MARCHF1: variants seen among roughly 807,000 people sequenced by gnomAD.
MARCHF1 encodes the protein E3 ubiquitin-protein ligase MARCHF1.
In MARCHF1, 40 loss-of-function variants were observed where a neutral mutation model predicts 54.2. The ratio of observed to expected loss-of-function variants is 0.74; its 90% CI spans 0.57 to 0.96. The LOEUF is 0.96. Among genes scored for constraint, MARCHF1 ranks in the 40% least tolerant of loss-of-function variants. The probability of loss-of-function intolerance (pLI) is 0.00; values close to 1 mark genes in which losing one functional copy is unlikely to be tolerated. For missense variants in MARCHF1, 586 were observed against 656.5 expected, an observed-to-expected ratio of 0.89 and a Z score of 1.17; for synonymous variants, 236 against 236.3, an observed-to-expected ratio of 1.00 and a Z score of 0.01.
chr4:163,608,907 T>C (rs984979061), intron 7 of MARCHF1, among the ~76,000 whole-genome samples: 2 of 152,036 alleles, frequency 1.3e-5, no homozygotes, highest in African/African-American at 4.8e-5. Flanking sequence ...TCAGGCTGTA[T>C]CCATTTCTAG....
At chr4:163,619,346 G>T (rs920231002) in intron 5 of MARCHF1, among the ~76,000 whole-genome samples, 2 of 152,082 alleles carry the variant, frequency 1.3e-5, no homozygotes, top group Non-Finnish European at 2.9e-5. Flanking sequence ...ATGGAGAAAA[G>T]GGATAGTTTG....
chr4:164,316,184 A>T (rs1734990553), intron 1 of MARCHF1, among the ~76,000 whole-genome samples: 1 of 152,224 alleles, frequency 6.6e-6, no homozygotes, highest in South Asian at 2.1e-4. Context: ...TTGGTAACAG[A>T]ATCAGAACTG....
At chr4:163,765,305 CT>C (rs1440249041) in intron 4 of MARCHF1, among the ~76,000 whole-genome samples, 1 of 152,070 alleles carries the variant, frequency 6.6e-6, no homozygotes, top group Admixed American at 6.5e-5. Flanking sequence ...AGAGTACAGT[CT>C]TCTGATATTC....
At chr4:163,620,728 G>A (rs1477769431) in intron 5 of MARCHF1, among the ~76,000 whole-genome samples, 1 of 151,706 alleles carries the variant, frequency 6.6e-6, no homozygotes, top group Non-Finnish European at 1.5e-5. Context: ...GTGTCATCTT[G>A]TTAGGGTAAA....
chr4:164,133,695 G>C (rs1756346242), intron 1 of MARCHF1, among the ~76,000 whole-genome samples: 1 of 152,044 alleles, frequency 6.6e-6, no homozygotes, highest in South Asian at 2.1e-4. Flanking sequence ...TAGAAACATA[G>C]CCCAAAAAAA....
At chr4:164,019,029 G>A (rs942130645) in intron 2 of MARCHF1, among the ~76,000 whole-genome samples, 1 of 152,164 alleles carries the variant, frequency 6.6e-6, no homozygotes, top group Admixed American at 6.5e-5. Context: ...ATTCTGCTCA[G>A]CTCTGTATCC....
rs951319058 is a variant in MARCHF1, at chr4:164,130,109, A to T, written c.-322-18447T>A. On this transcript the variant is annotated intron_variant, in intron 1 of 9. Transcript: ENST00000514618. ...TTGAATAAAATTCCTTAGAATGTAT[A>T]AAAAAAATCACACTACTTTATAAAC... 4.6e-5 allele frequency: 7 copies of T among 151,330 alleles called. No homozygotes were observed. In the East Asian group the frequency reaches 5.8e-4, roughly 12 times the overall value. The allele number at this position is 151,330 out of a possible 1,614,324, so 9.4% of individuals were successfully genotyped here.
chr4:163,668,196 C>T (rs1290007421), intron 5 of MARCHF1, among the ~76,000 whole-genome samples: 1 of 152,088 alleles, frequency 6.6e-6, no homozygotes, highest in Non-Finnish European at 1.5e-5. Context: ...GTTTTGTGGG[C>T]ATAGTCCAAA....
intron 1 of MARCHF1, among the ~76,000 whole-genome samples, chr4:164,194,140 G>C (rs964050901): frequency 1.3e-5 from 2 of 152,132 alleles, no homozygotes; most frequent in African/African-American, 4.8e-5. Flanking sequence ...GTGAATCATA[G>C]ATTAAAATGT....
At chr4:163,915,381 TC>T (rs1211489552) in intron 3 of MARCHF1, among the ~76,000 whole-genome samples, 1 of 152,046 alleles carries the variant, frequency 6.6e-6, no homozygotes, top group African/African-American at 2.4e-5. Context: ...ATCCTAACAG[TC>T]ATCCTTAAAA....
intron 3 of MARCHF1, among the ~76,000 whole-genome samples, chr4:163,960,919 G>A (rs929077953): frequency 6.6e-6 from 1 of 151,664 alleles, no homozygotes; most frequent in Non-Finnish European, 1.5e-5. Context: ...GCTGGTTTCT[G>A]GTGAGGCCTC....
chr4:163,947,495 G>GGGAGGCAGAAGTGTC (rs1345296663), intron 3 of MARCHF1, among the ~76,000 whole-genome samples: 26 of 152,180 alleles, frequency 1.7e-4, no homozygotes, highest in African/African-American at 6.3e-4. Context: ...CCACATAAGA[G>GGGAGGCAGAAGTGTC]GGAGGCAGAA....
chr4:164,124,641 G>A (rs1019111860), intron 1 of MARCHF1, among the ~76,000 whole-genome samples: 1 of 152,084 alleles, frequency 6.6e-6, no homozygotes, highest in Non-Finnish European at 1.5e-5. Flanking sequence ...GGTTGGAAAT[G>A]GAGATCATTA....
At chr4:163,936,632 C>A (rs1751801982) in intron 3 of MARCHF1, among the ~76,000 whole-genome samples, 1 of 152,120 alleles carries the variant, frequency 6.6e-6, no homozygotes, top group African/African-American at 2.4e-5. Context: ...TGGGAGCAGG[C>A]ACTACCCATC....
At chr4:164,356,412 T>C (rs993295114) in intron 1 of MARCHF1, among the ~76,000 whole-genome samples, 1 of 136,642 alleles carries the variant, frequency 7.3e-6, no homozygotes, top group Non-Finnish European at 1.6e-5. Context: ...GTGGCACATA[T>C]ACACCATGGA....
intron 1 of MARCHF1, among the ~76,000 whole-genome samples, chr4:164,165,497 A>C (rs566017202): frequency 5.3e-5 from 8 of 151,982 alleles, no homozygotes; most frequent in African/African-American, 1.9e-4. Flanking sequence ...TTGATCTCAC[A>C]ATTCTACCCT....
rs113425549 is a variant in MARCHF1 at position 164,335,598 on chromosome 4, A to G, written c.-323+48272T>C. 7.8e-4 allele frequency among the ~76,000 whole-genome samples: 116 copies of G among 147,960 alleles called. 1 individual carries two copies. The highest frequency in any genetic ancestry group is 2.3e-3 in the East Asian group (11 of 4,746). The stretch of plus-strand genomic sequence containing the variant: ...CTCCATCTCAAAAAAAAAAAAAAAA[A>G]AGAGAATTTGCTTCAGCCACTCCAA... On this transcript the variant is annotated intron_variant, in intron 1 of 9. Transcript: ENST00000514618.
intron 4 of MARCHF1, among the ~76,000 whole-genome samples, chr4:163,801,853 C>A (rs959995145): frequency 6.6e-6 from 1 of 152,048 alleles, no homozygotes; most frequent in African/African-American, 2.4e-5. Flanking sequence ...TATATAAGTT[C>A]TTTTTCAAAT....
chr4:164,170,821 G>T (rs1372083406), intron 1 of MARCHF1, among the ~76,000 whole-genome samples: 1 of 152,144 alleles, frequency 6.6e-6, no homozygotes, highest in Non-Finnish European at 1.5e-5. Context: ...AATCACTGTG[G>T]AGGTGAGAAG....
Sources: allele counts gnomAD v4.1 joint callset (sites outside exome capture counted in the v4.1 genomes callset), GRCh38; gene constraint gnomAD v4.1.1; transcripts MANE v1.5; gene names NCBI Gene and HGNC (gene_info 2026-07-23, HGNC 2026-07-21).